Variants in ZEB1 observed in about 807,000 individuals in gnomAD.
ZEB1 encodes the protein zinc finger E-box-binding homeobox 1.
ZEB1 carries 21 observed loss-of-function variants against 84.9 expected under a neutral mutation model. The observed-to-expected ratio is 0.25, with a 90% CI of 0.18 to 0.36. The LOEUF (loss-of-function observed/expected upper bound fraction) is 0.36, where lower values mean the gene tolerates loss of function less well. Among genes scored for constraint, ZEB1 ranks in the 10% least tolerant of loss-of-function variants. ZEB1 has a pLI of 1.00. For missense variants in ZEB1, 1,104 were observed against 1,330.2 expected (o/e 0.83, Z 2.65); for synonymous variants, 420 against 471.1 (o/e 0.89, Z 1.41).
chr10:31,415,743 T>C (rs1055334257), intron 1 of ZEB1, among the ~76,000 whole-genome samples: 4 of 152,124 alleles, frequency 2.6e-5, no homozygotes, highest in Non-Finnish European at 5.9e-5. Context: ...TTTGTTGTCT[T>C]TTTTGCCTTC....
In ZEB1 at chr10:31,527,333, A is replaced by G. The variant is rs78595841; in HGVS notation, c.*69A>G. 509 of 1,538,396 alleles carry G rather than the reference A, an allele frequency of 3.3e-4. 4 individuals are homozygous for G. The East Asian group carries it at 9.4e-3, about 28-fold the overall frequency. ...TCGTTCAATATTATCCTTGCTTTTC[A>G]TGGAAACACAGTAACCTGTATGCTG... On this transcript the variant is annotated 3_prime_UTR_variant, in exon 9 of 9. Transcript: ENST00000424869.
intron 2 of ZEB1, among the ~76,000 whole-genome samples, chr10:31,466,078 A>C (rs75085953): frequency 0.033 from 5,034 of 152,314 alleles, 260 homozygotes; most frequent in African/African-American, 0.11. Context: ...TATCAAGATG[A>C]TACAATTCTA....
chr10:31,346,468 G>A (rs1487823089), intron 1 of ZEB1, among the ~76,000 whole-genome samples: 1 of 152,066 alleles, frequency 6.6e-6, no homozygotes, highest in Non-Finnish European at 1.5e-5. Flanking sequence ...TTTAGTAGTT[G>A]CCCTTAATGA....
intron 1 of ZEB1, among the ~76,000 whole-genome samples, chr10:31,355,767 A>G (rs1192713412): frequency 6.6e-6 from 1 of 152,178 alleles, no homozygotes; most frequent in Admixed American, 6.5e-5. Flanking sequence ...AAAGAAGGAT[A>G]AGTAAATGTA....
intron 1 of ZEB1, among the ~76,000 whole-genome samples, chr10:31,324,805 A>G (rs962145481): frequency 3.3e-5 from 5 of 152,098 alleles, no homozygotes; most frequent in African/African-American, 7.2e-5. Context: ...TTTAAAGGGT[A>G]GATGTTGTAC....
intron 1 of ZEB1, among the ~76,000 whole-genome samples, chr10:31,427,349 A>G (rs2057077039): frequency 6.6e-6 from 1 of 152,122 alleles, no homozygotes; most frequent in South Asian, 2.1e-4. Context: ...CAAAATTAAT[A>G]ATTTGTTTTG....
At chr10:31,363,225 C>T in intron 1 of ZEB1, 1 of 1,534,040 alleles carries the variant, frequency 6.5e-7, no homozygotes, top group African/African-American at 1.4e-5. Context: ...TCAAGGCCGC[C>T]TTCTCTGGCC....
At chr10:31,483,290 G>A (rs921581356) in intron 2 of ZEB1, among the ~76,000 whole-genome samples, 1 of 152,008 alleles carries the variant, frequency 6.6e-6, no homozygotes, top group African/African-American at 2.4e-5. Context: ...CTGTGAGATA[G>A]ATGTTGGCTC....
At chr10:31,383,791 A>G (rs926869646) in intron 1 of ZEB1, among the ~76,000 whole-genome samples, 1 of 152,124 alleles carries the variant, frequency 6.6e-6, no homozygotes, top group Non-Finnish European at 1.5e-5. Context: ...CAAAAGTTCT[A>G]TTGTACAGTG....
At chr10:31,517,466 G>A (rs2071368844) in intron 6 of ZEB1, among the ~76,000 whole-genome samples, 1 of 149,320 alleles carries the variant, frequency 6.7e-6, no homozygotes, top group Admixed American at 6.7e-5. Context: ...GAAAATTTTT[G>A]TATCAGATGC....
intron 1 of ZEB1, among the ~76,000 whole-genome samples, chr10:31,403,285 C>A (rs1313931455): frequency 6.6e-6 from 1 of 152,026 alleles, no homozygotes; most frequent in African/African-American, 2.4e-5. Flanking sequence ...CAACCTGATA[C>A]TTAATAAAGA....
intron 1 of ZEB1, among the ~76,000 whole-genome samples, chr10:31,329,265 A>G (rs931111522): frequency 6.6e-6 from 1 of 152,114 alleles, no homozygotes; most frequent in African/African-American, 2.4e-5. Flanking sequence ...CTAGAGTTTC[A>G]TATAAACCGA....
At chr10:31,346,017 G>A (rs970935739) in intron 1 of ZEB1, among the ~76,000 whole-genome samples, 2 of 152,134 alleles carry the variant, frequency 1.3e-5, no homozygotes, top group African/African-American at 2.4e-5. Flanking sequence ...AAAAAGTTAT[G>A]TAATTTGGCT....
At position 31,432,142 on chromosome 10, in the gene ZEB1, A is replaced by G. The variant is rs77179386; in HGVS notation, c.59-28895A>G. Among the ~76,000 whole-genome samples, 495 of 152,362 alleles carry G rather than the reference A, an allele frequency of 3.2e-3. 22 individuals carry two copies. In the East Asian group the frequency reaches 0.083, roughly 26 times the overall value. On this transcript the variant is annotated intron_variant, in intron 1 of 8. Transcript: ENST00000424869. Reference sequence around the variant, plus strand: ...CTAATAACTACCTTCAGAATATAGTATAGACCAACACTGTCCGGTAGAACT... The same window carrying G: ...CTAATAACTACCTTCAGAATATAGTGTAGACCAACACTGTCCGGTAGAACT...
intron 1 of ZEB1, among the ~76,000 whole-genome samples, chr10:31,448,944 G>C (rs1376168889): frequency 6.6e-6 from 1 of 152,246 alleles, no homozygotes; most frequent in South Asian, 2.1e-4. Context: ...GCTCCACCCA[G>C]TTGGAGCTTC....
At chr10:31,461,012 TA>T in intron 1 of ZEB1, 24 bp from the exon 2 acceptor site, 1 of 1,592,168 alleles carries the variant, frequency 6.3e-7, no homozygotes, top group Non-Finnish European at 8.6e-7. Flanking sequence ...TGGTTTTGAT[TA>T]TTTGTTTCTT....
chr10:31,356,355 T>TAC (rs199711059), intron 1 of ZEB1, among the ~76,000 whole-genome samples: 2,114 of 141,580 alleles, frequency 0.015, 58 homozygotes, highest in African/African-American at 0.059. Context: ...ATGATGTGTA[T>TAC]ATATATATAT....
chr10:31,363,800 TC>T (rs1195929063), intron 1 of ZEB1: 3 of 1,331,606 alleles, frequency 2.3e-6, no homozygotes, highest in Non-Finnish European at 3.1e-6. Flanking sequence ...GTGCCCGTGT[TC>T]CGAGGGATAA....
At chr10:31,432,661 C>T (rs893152101) in intron 1 of ZEB1, among the ~76,000 whole-genome samples, 1 of 152,112 alleles carries the variant, frequency 6.6e-6, no homozygotes, top group Non-Finnish European at 1.5e-5. Context: ...CTACAATTCT[C>T]AAAAGATGCT....
Sources: allele counts gnomAD v4.1 joint callset (sites outside exome capture counted in the v4.1 genomes callset), GRCh38; gene constraint gnomAD v4.1.1; transcripts MANE v1.5; gene names NCBI Gene and HGNC (gene_info 2026-07-23, HGNC 2026-07-21).